The following MYO5B variants were observed in gnomAD, a reference collection of about 807,000 sequenced individuals.
MYO5B encodes unconventional myosin-Vb.
MYO5B carries 143 observed loss-of-function variants against 229.3 expected under a neutral mutation model. That is an observed-to-expected ratio of 0.62 (90% confidence interval 0.54 to 0.72). The LOEUF is 0.72. Ranked by LOEUF, MYO5B falls within the 30% of genes least tolerant of loss-of-function variation. The pLI is 0.00. For missense variants in MYO5B, 2,321 were observed against 2,331.0 expected (o/e 1.00, Z 0.09); for synonymous variants, 918 against 885.2 (o/e 1.04, Z -0.66).
At chr18:49,922,937 T>C (rs2025090470) in intron 17 of MYO5B, among the ~76,000 whole-genome samples, 1 of 152,174 alleles carries the variant, frequency 6.6e-6, no homozygotes, top group African/African-American at 2.4e-5. Flanking sequence ...CAAGGTGGAA[T>C]GAACAGTAGG....
rs79714398 is a variant in MYO5B, at chr18:49,973,067, G to A, written c.1322+1283C>T. 6.6e-5 allele frequency among the ~76,000 whole-genome samples: 10 copies of A among 152,162 alleles called. No homozygotes were observed. In the East Asian group the frequency reaches 1.9e-3, roughly 29 times the overall value. On this transcript the variant is annotated intron_variant, in intron 10 of 39. Transcript: ENST00000285039. ...ATAAAGCTTGCCCAACTGTGCAAGC[G>A]TGTCCTCTCCAGCCTTGAAACTTGT...
chr18:50,091,795 T>C (rs182659989), intron 1 of MYO5B, among the ~76,000 whole-genome samples: 38 of 152,360 alleles, frequency 2.5e-4, no homozygotes, highest in Admixed American at 2.4e-3. Flanking sequence ...CTATTTGTAA[T>C]ATATAGGCTT....
At chr18:50,111,479 C>T (rs1217821405) in intron 1 of MYO5B, among the ~76,000 whole-genome samples, 1 of 150,532 alleles carries the variant, frequency 6.6e-6, no homozygotes, top group Admixed American at 6.6e-5. Flanking sequence ...TTTGAAAGTT[C>T]TGGGGCAAAT....
At chr18:49,891,472 T>C (rs2024714126) in intron 22 of MYO5B, among the ~76,000 whole-genome samples, 1 of 152,182 alleles carries the variant, frequency 6.6e-6, no homozygotes, top group Non-Finnish European at 1.5e-5. Flanking sequence ...TCAAACACCA[T>C]TCACCTTTTG....
In MYO5B at chr18:50,188,818, C is replaced by CAG. The variant is rs2033189289; in HGVS notation, c.27+5948_27+5949insCT. On this transcript the variant is annotated intron_variant, in intron 1 of 39. Coordinates refer to ENST00000285039, the MANE Select transcript of MYO5B (RefSeq NM_001080467.3). Reference sequence around the variant, plus strand: ...AAAAAAAAAAAAAAAAAAAAAAAAACACACACACCTATCAACAAAGGAGGG... The same window carrying CAG: ...AAAAAAAAAAAAAAAAAAAAAAAAACAGACACACACCTATCAACAAAGGAGGG... Among the ~76,000 whole-genome samples the CAG allele has an allele frequency of 5.7e-5, 3 of 53,012 alleles. No individual in the cohort carries two copies. In the East Asian group the frequency reaches 3.0e-3, roughly 53 times the overall value. 34.8% of individuals were successfully genotyped at this position (53,012 alleles called of 152,430 possible). A position where few individuals can be genotyped will look rare whatever the true frequency, so the allele number is the denominator to read the frequency against.
At chr18:49,850,651 G>A (rs1244723487) in intron 31 of MYO5B, 1 of 152,182 alleles carries the variant, frequency 6.6e-6, no homozygotes, top group Admixed American at 6.5e-5. Context: ...AAGGACCCAG[G>A]TGTCTAGAGA....
chr18:50,063,911 A>T (rs1598992237), intron 1 of MYO5B: 1 of 152,406 alleles, frequency 6.6e-6, no homozygotes, highest in East Asian at 1.9e-4. Flanking sequence ...AATGTAGTTA[A>T]CAGAGTAAGC....
chr18:49,980,582 T>C, intron 8 of MYO5B, 29 bp from the exon 9 acceptor site: 1 of 1,445,890 alleles, frequency 6.9e-7, no homozygotes, highest in Non-Finnish European at 9.7e-7. Context: ...TGGATGACAC[T>C]CAGTATCCAT....
At chr18:49,833,005 G>GA (rs202103311) in intron 39 of MYO5B, among the ~76,000 whole-genome samples, 1 of 151,984 alleles carries the variant, frequency 6.6e-6, no homozygotes, top group Non-Finnish European at 1.5e-5. Flanking sequence ...GAGGCTCTGG[G>GA]AAAAAAAGTC....
intron 1 of MYO5B, among the ~76,000 whole-genome samples, chr18:50,119,557 C>T (rs1458176425): frequency 6.6e-6 from 1 of 152,072 alleles, no homozygotes; most frequent in Non-Finnish European, 1.5e-5. Context: ...ATTTCCTCAT[C>T]CTGAAGATGA....
At chr18:50,162,173 C>T (rs1303323032) in intron 1 of MYO5B, among the ~76,000 whole-genome samples, 1 of 152,242 alleles carries the variant, frequency 6.6e-6, no homozygotes, top group Non-Finnish European at 1.5e-5. Context: ...AACTGTTCTG[C>T]ATGGCCCAAA....
At chr18:50,152,759 C>G (rs1293327478) in intron 1 of MYO5B, among the ~76,000 whole-genome samples, 1 of 151,460 alleles carries the variant, frequency 6.6e-6, no homozygotes, top group African/African-American at 2.4e-5. Flanking sequence ...TAACCATTTC[C>G]TAAGTTCTGA....
chr18:50,091,874 A>G (rs2031455309), intron 1 of MYO5B, among the ~76,000 whole-genome samples: 1 of 152,162 alleles, frequency 6.6e-6, no homozygotes, highest in South Asian at 2.1e-4. Context: ...TGGCACTAGA[A>G]AAGCCAAGGG....
At chr18:50,061,486 G>GTCC (rs1414629065) in intron 1 of MYO5B, among the ~76,000 whole-genome samples, 2 of 152,166 alleles carry the variant, frequency 1.3e-5, no homozygotes, top group African/African-American at 4.8e-5. Context: ...TCCTTTAGAT[G>GTCC]TCCTGTAGGT....
At position 49,864,312 on chromosome 18, in the gene MYO5B, G is replaced by A. The variant is rs749740852; in HGVS notation, c.3672C>T (p.Ala1224=). ...TGGAGTTATTCTGCGTGGCTTGGTCGGCCACGGCTTTCCTCAGCTCATTCA... is the reference window on the plus strand; with the variant it reads ...TGGAGTTATTCTGCGTGGCTTGGTCAGCCACGGCTTTCCTCAGCTCATTCA... ...NDLNELRKAV[A]DQATQNNSSH... is the part of the protein sequence containing the mutation. The change falls in exon 28 of 40, where the codon GCC becomes GCT. Residue 1224 remains alanine (A), a synonymous_variant. Transcript: ENST00000285039. 1.2e-5 allele frequency: 20 copies of A among 1,613,952 alleles called. No homozygotes were observed. The highest frequency in any genetic ancestry group is 1.1e-4 in the African/African-American group (8 of 74,924).
At chr18:50,105,267 C>A (rs2031737232) in intron 1 of MYO5B, among the ~76,000 whole-genome samples, 1 of 148,742 alleles carries the variant, frequency 6.7e-6, no homozygotes, top group Non-Finnish European at 1.5e-5. Flanking sequence ...GATAAAATAG[C>A]TGCTGATGCT....
intron 34 of MYO5B, 112 bp from the exon 35 acceptor site, chr18:49,841,566 C>T (rs1193223949): frequency 3.9e-6 from 4 of 1,018,186 alleles, no homozygotes; most frequent in African/African-American, 1.6e-5. Flanking sequence ...CCTGAGCAGC[C>T]CTGAGGCTGG....
chr18:49,982,845 A>T (rs954772124), intron 8 of MYO5B, among the ~76,000 whole-genome samples: 2 of 152,238 alleles, frequency 1.3e-5, no homozygotes, highest in Non-Finnish European at 2.9e-5. Context: ...AGAAAGTCTT[A>T]TTACAATAAT....
intron 9 of MYO5B, among the ~76,000 whole-genome samples, chr18:49,976,481 C>T (rs78302478): frequency 0.017 from 2,586 of 152,246 alleles, 87 homozygotes; most frequent in African/African-American, 0.059. Flanking sequence ...AGGATAGGAC[C>T]AGGTTAAACA....
Sources: gnomAD v4.1 joint callset for allele counts (sites outside exome capture counted in the v4.1 genomes callset) on GRCh38, gnomAD v4.1.1 for gene constraint, MANE v1.5 for transcripts, NCBI Gene and HGNC (gene_info 2026-07-23, HGNC 2026-07-21) for gene names.